Variants in PLEKHM3 observed in about 807,000 individuals in gnomAD.
PLEKHM3 encodes pleckstrin homology domain-containing family M member 3.
PLEKHM3 carries 45 observed loss-of-function variants against 81.8 expected under a neutral mutation model. The ratio of observed to expected loss-of-function variants is 0.55; its 90% CI spans 0.43 to 0.71. PLEKHM3 has a LOEUF of 0.71. PLEKHM3 is among the 30% of genes least tolerant of loss of function. PLEKHM3 has a pLI of 0.00. For missense variants in PLEKHM3, 788 were observed against 924.3 expected (o/e 0.85, Z 1.91); for synonymous variants, 352 against 356.4 (o/e 0.99, Z 0.14).
intron 3 of PLEKHM3, among the ~76,000 whole-genome samples, chr2:207,952,204 G>GA (rs57260890): frequency 6.6e-6 from 1 of 152,098 alleles, no homozygotes; most frequent in Non-Finnish European, 1.5e-5. Flanking sequence ...TGTAAAAATA[G>GA]AAAAAAATAT....
chr2:207,924,642 G>A (rs868828452), intron 5 of PLEKHM3, among the ~76,000 whole-genome samples: 1 of 152,074 alleles, frequency 6.6e-6, no homozygotes, highest in African/African-American at 2.4e-5. Flanking sequence ...CTGAGATCGC[G>A]CCACTGCACT....
intron 7 of PLEKHM3, among the ~76,000 whole-genome samples, chr2:207,836,994 G>A (rs987967556): frequency 6.9e-6 from 1 of 145,166 alleles, no homozygotes; most frequent in African/African-American, 2.4e-5. Flanking sequence ...GCGGCTTTGC[G>A]TATGGCTACT....
chr2:207,932,663 C>T (rs958107029), intron 4 of PLEKHM3, among the ~76,000 whole-genome samples: 4 of 152,182 alleles, frequency 2.6e-5, no homozygotes, highest in African/African-American at 7.2e-5. Context: ...ACCCTGTCAT[C>T]TGCTACAAAA....
chr2:207,848,976 G>A (rs895287610), intron 7 of PLEKHM3, among the ~76,000 whole-genome samples: 3 of 152,184 alleles, frequency 2.0e-5, no homozygotes, highest in East Asian at 1.9e-4. Flanking sequence ...AAGCTCATCT[G>A]CTATGCACTT....
At chr2:207,921,538 C>T (rs941780262) in intron 5 of PLEKHM3, among the ~76,000 whole-genome samples, 1 of 152,096 alleles carries the variant, frequency 6.6e-6, no homozygotes, top group Non-Finnish European at 1.5e-5. Flanking sequence ...ACTTTTCTAG[C>T]TATCTGAAAA....
intron 2 of PLEKHM3, among the ~76,000 whole-genome samples, chr2:207,981,392 G>A (rs910099590): frequency 6.6e-6 from 1 of 152,150 alleles, no homozygotes; most frequent in Non-Finnish European, 1.5e-5. Context: ...CACCAAGGCT[G>A]GAGTACAGTG....
At chr2:207,888,967 A>G (rs1357977413) in intron 6 of PLEKHM3, among the ~76,000 whole-genome samples, 1 of 152,186 alleles carries the variant, frequency 6.6e-6, no homozygotes, top group Non-Finnish European at 1.5e-5. Flanking sequence ...AAACTTAACT[A>G]GTATTAGCAG....
chr2:207,939,790 G>A (rs767324595), intron 4 of PLEKHM3, among the ~76,000 whole-genome samples: 8 of 152,190 alleles, frequency 5.3e-5, no homozygotes, highest in Non-Finnish European at 1.0e-4. Flanking sequence ...GCAAATAGGA[G>A]GCTTCTGTCT....
chr2:207,851,271 T>G (rs545812240), intron 7 of PLEKHM3: 8 of 152,078 alleles, frequency 5.3e-5, no homozygotes, highest in African/African-American at 1.7e-4. Flanking sequence ...TTTGTCAAAA[T>G]GTTTATCTCT....
intron 5 of PLEKHM3, chr2:207,929,794 T>C: frequency 1.7e-6 from 1 of 586,010 alleles, no homozygotes; most frequent in East Asian, 2.9e-5. Flanking sequence ...CATTTAGTTC[T>C]TTTTTAGATG....
chr2:208,000,277 C>A (rs1014829521), intron 2 of PLEKHM3, among the ~76,000 whole-genome samples: 1 of 152,166 alleles, frequency 6.6e-6, no homozygotes, highest in Non-Finnish European at 1.5e-5. Context: ...ACGCCCTTCT[C>A]CCCACCTTTG....
At chr2:207,998,145 C>T (rs1274486120) in intron 2 of PLEKHM3, among the ~76,000 whole-genome samples, 2 of 152,014 alleles carry the variant, frequency 1.3e-5, no homozygotes, top group East Asian at 1.9e-4. Context: ...CAGAGAATGC[C>T]GAAAGAAAAG....
chr2:207,938,336 C>T (rs182416713), intron 4 of PLEKHM3, among the ~76,000 whole-genome samples: 5 of 152,226 alleles, frequency 3.3e-5, no homozygotes, highest in African/African-American at 9.6e-5. Context: ...AGAAAATAGA[C>T]GAAATCCTGC....
chr2:207,878,297 G>A (rs937739249), intron 6 of PLEKHM3, among the ~76,000 whole-genome samples: 1 of 139,250 alleles, frequency 7.2e-6, no homozygotes, highest in Non-Finnish European at 1.6e-5. Context: ...AAGGCACACA[G>A]TGAGCATTAA....
chr2:207,898,387 A>G (rs1053058382), intron 6 of PLEKHM3, among the ~76,000 whole-genome samples: 1 of 152,184 alleles, frequency 6.6e-6, no homozygotes, highest in Non-Finnish European at 1.5e-5. Flanking sequence ...TCAGGGACAG[A>G]TGCCATTTGC....
At chr2:208,023,593 T>C (rs1574500738) in intron 1 of PLEKHM3, among the ~76,000 whole-genome samples, 1 of 152,122 alleles carries the variant, frequency 6.6e-6, no homozygotes, top group South Asian at 2.1e-4. Flanking sequence ...AACCTTATTG[T>C]GAACTGTGCG....
chr2:207,951,060 A>G (rs968808748), intron 3 of PLEKHM3, among the ~76,000 whole-genome samples: 1 of 152,234 alleles, frequency 6.6e-6, no homozygotes, highest in African/African-American at 2.4e-5. Context: ...AGTTTTTTCA[A>G]TTAACTGCAA....
intron 7 of PLEKHM3, among the ~76,000 whole-genome samples, chr2:207,829,920 A>G (rs2092275798): frequency 6.6e-6 from 1 of 152,086 alleles, no homozygotes. Flanking sequence ...CCCCACCACC[A>G]TTCAGGACCC....
intron 6 of PLEKHM3, among the ~76,000 whole-genome samples, chr2:207,864,014 T>C (rs774798936): frequency 1.3e-5 from 2 of 151,918 alleles, no homozygotes; most frequent in Non-Finnish European, 2.9e-5. Flanking sequence ...TTATTATGTA[T>C]CTCCTGGTGC....
Sources: allele counts gnomAD v4.1 joint callset (sites outside exome capture counted in the v4.1 genomes callset), GRCh38; gene constraint gnomAD v4.1.1; transcripts MANE v1.5; gene names NCBI Gene and HGNC (gene_info 2026-07-23, HGNC 2026-07-21).